The following NEK5 variants were observed in gnomAD, a reference collection of about 807,000 sequenced individuals.
NEK5 encodes the protein serine/threonine-protein kinase Nek5.
NEK5 carries 88 observed loss-of-function variants against 109.2 expected under a neutral mutation model. The ratio of observed to expected loss-of-function variants is 0.81; its 90% CI spans 0.68 to 0.96. The LOEUF (loss-of-function observed/expected upper bound fraction) is 0.96, where lower values mean the gene tolerates loss of function less well. Ranked by LOEUF, NEK5 falls within the 40% of genes least tolerant of loss-of-function variation. The pLI is 0.00. For synonymous variants in NEK5, 283 were observed against 299.9 expected, an observed-to-expected ratio of 0.94 and a Z score of 0.58; for missense variants, 834 against 920.7, an observed-to-expected ratio of 0.91 and a Z score of 1.22.
chr13:52,108,429 A>G, intron 7 of NEK5, 25 bp from the exon 8 acceptor site: 1 of 1,413,438 alleles, frequency 7.1e-7, no homozygotes. Context: ...TAAATAATAA[A>G]TCAGCATGAT....
In NEK5 at chr13:52,101,973, TG is replaced by T; in HGVS notation, c.851del (p.Ala284GlufsTer21). 1 of 1,614,212 alleles carries T rather than the reference TG, an allele frequency of 6.2e-7. No homozygotes were observed. The highest frequency in any genetic ancestry group is 8.5e-7 in the Non-Finnish European group (1 of 1,180,040). ...EEFSHMLICR[A>X]GAPASRHAGK... ...CAGCATGTCGAGAAGCTGGCGCTCCTGCTCTGCATATAAGCATGTGACTGAA... is the reference window on the plus strand; with the variant it reads ...CAGCATGTCGAGAAGCTGGCGCTCCTCTCTGCATATAAGCATGTGACTGAA... On this transcript the variant is annotated frameshift_variant, in exon 11 of 24. Transcript: ENST00000684899. LOFTEE classifies it high-confidence loss of function.
rs1374157772 is a variant in NEK5, at chr13:52,065,583, C to T, written c.1876G>A (p.Val626Met). The stretch of plus-strand genomic sequence containing the variant: ...CCATCCCACTGCCTCCTGTTTCCCA[C>T]AGCAGCTACAGTCTGCGTGGAAAAC... ...AGFSTQTVAAVGNRRQWDGGA... is the reference protein window; with the variant it reads ...AGFSTQTVAAMGNRRQWDGGA... The change falls in exon 21 of 24, where the codon GTG (valine) becomes ATG (methionine). Residue 626 changes from valine to methionine, a missense_variant. Val to Met is a conservative substitution (Grantham distance 21, BLOSUM62 1). Around this residue, in one of 2 missense-constraint regions of NEK5, gnomAD observed 777 missense variants for 824.7 expected, o/e 0.94. Transcript: ENST00000684899. The T allele has an allele frequency of 1.2e-6, 2 of 1,614,004 alleles. No homozygotes were observed. The highest frequency in any genetic ancestry group is 2.2e-5 in the South Asian group (2 of 91,084).
intron 13 of NEK5, among the ~76,000 whole-genome samples, chr13:52,092,145 G>T (rs1411865159): frequency 6.6e-6 from 1 of 152,134 alleles, no homozygotes; most frequent in Non-Finnish European, 1.5e-5. Flanking sequence ...GACTTGAGAT[G>T]AAGAAGGGTT....
chr13:52,108,355 G>C lies in NEK5; in HGVS notation c.517C>G (p.Pro173Ala). 1 of 1,611,536 alleles carries C rather than the reference G, an allele frequency of 6.2e-7. No homozygotes were observed. The highest frequency in any genetic ancestry group is 8.5e-7 in the Non-Finnish European group (1 of 1,178,328). Residue 173 changes from proline to alanine, a missense_variant, in exon 8 of 24, where the codon CCA (proline) becomes GCA (alanine). By Grantham distance (27) the Pro-to-Ala change is conservative. Transcript: ENST00000684899. ...TAGGGTTTATTCTGACAGATCTCTGGGGACAGGTAGTAAGGTGTTCCAATA... is the reference window on the plus strand; with the variant it reads ...TAGGGTTTATTCTGACAGATCTCTGCGGACAGGTAGTAAGGTGTTCCAATA... ...TCIGTPYYLSPEICQNKPYNN... is the reference protein window; with the variant it reads ...TCIGTPYYLSAEICQNKPYNN...
intron 17 of NEK5, among the ~76,000 whole-genome samples, chr13:52,082,577 A>G (rs1468113259): frequency 6.6e-6 from 1 of 152,178 alleles, no homozygotes; most frequent in Non-Finnish European, 1.5e-5. Flanking sequence ...CTCAGAAGGG[A>G]AAAAAACTCT....
At chr13:52,065,203 C>G (rs1465698657) in intron 21 of NEK5, 2 of 510,948 alleles carry the variant, frequency 3.9e-6, no homozygotes, top group East Asian at 6.0e-5. Context: ...TAAATCAAGT[C>G]AGCTGTCCTT....
chr13:52,068,347 C>T (rs533031114), intron 20 of NEK5, among the ~76,000 whole-genome samples: 2 of 152,082 alleles, frequency 1.3e-5, no homozygotes, highest in South Asian at 2.1e-4. Context: ...TATATAGCAC[C>T]GTTATTTCTC....
chr13:52,048,200 AACTG>A (rs1428362658), intron 23 of NEK5, among the ~76,000 whole-genome samples: 2 of 152,352 alleles, frequency 1.3e-5, no homozygotes, highest in Admixed American at 1.3e-4. Flanking sequence ...AATTACCTTG[AACTG>A]ACTGCTATAC....
At chr13:52,098,093 C>G (rs1955455480) in intron 12 of NEK5, among the ~76,000 whole-genome samples, 1 of 152,050 alleles carries the variant, frequency 6.6e-6, no homozygotes, top group Non-Finnish European at 1.5e-5. Context: ...GCAATGCATC[C>G]TGTACAGCCT....
intron 3 of NEK5, among the ~76,000 whole-genome samples, chr13:52,125,668 C>G (rs1047212490): frequency 1.3e-5 from 2 of 152,130 alleles, no homozygotes; most frequent in African/African-American, 4.8e-5. Context: ...TAAGAGAGAT[C>G]TACTTATTGG....
chr13:52,049,171 C>G (rs1954481939), intron 23 of NEK5, among the ~76,000 whole-genome samples: 1 of 151,940 alleles, frequency 6.6e-6, no homozygotes. Flanking sequence ...ACCTGTAATC[C>G]CAGCACTTTG....
chr13:52,095,505 C>A (rs1018485355), intron 12 of NEK5, among the ~76,000 whole-genome samples: 1 of 152,180 alleles, frequency 6.6e-6, no homozygotes, highest in East Asian at 1.9e-4. Flanking sequence ...TTTAATTCAT[C>A]CTCAAATCTT....
chr13:52,117,558 CA>C (rs1955884771), intron 4 of NEK5, among the ~76,000 whole-genome samples: 1 of 152,160 alleles, frequency 6.6e-6, no homozygotes, highest in Admixed American at 6.5e-5. Context: ...AAACTGTCCT[CA>C]AAAATCAATC....
At chr13:52,113,005 G>A (rs1165844579) in intron 4 of NEK5, among the ~76,000 whole-genome samples, 1 of 152,038 alleles carries the variant, frequency 6.6e-6, no homozygotes, top group Non-Finnish European at 1.5e-5. Context: ...ATATGTTTAC[G>A]CCATTTATTC....
intron 17 of NEK5, among the ~76,000 whole-genome samples, chr13:52,078,383 C>T (rs562537601): frequency 3.4e-4 from 51 of 152,086 alleles, no homozygotes; most frequent in Middle Eastern, 3.4e-3. Flanking sequence ...AAAGCAGATC[C>T]GTGATTGCAT....
chr13:52,079,859 G>A (rs1334358940), intron 17 of NEK5, among the ~76,000 whole-genome samples: 9 of 151,680 alleles, frequency 5.9e-5, no homozygotes, highest in East Asian at 3.9e-4. Flanking sequence ...AGTGAGGAGC[G>A]TCTCTGCCCG....
Position 52,036,771 on chromosome 13 carries a change from A to T in NEK5, c.*177T>A. On this transcript the variant is annotated 3_prime_UTR_variant, in exon 24 of 24. Coordinates refer to ENST00000684899, the MANE Select transcript of NEK5 (RefSeq NM_001365552.1). The stretch of plus-strand genomic sequence containing the variant: ...CCTAAGATTTCTTAATAGAAACTTT[A>T]AAGTAAAAATATTAATGGCTATATT... 1 of 194,218 alleles carries T rather than the reference A, an allele frequency of 5.1e-6. No homozygotes were observed. Among genetic ancestry groups the T allele is most frequent in the Non-Finnish European group, 9.4e-6 (1 of 106,550 alleles). The allele number at this position is 194,218 out of a possible 1,614,324, so 12.0% of individuals were successfully genotyped here. A position where few individuals can be genotyped will look rare whatever the true frequency, so the allele number is the denominator to read the frequency against.
chr13:52,091,025 CAAA>C (rs879501839), intron 13 of NEK5, among the ~76,000 whole-genome samples: 2 of 133,252 alleles, frequency 1.5e-5, no homozygotes, highest in Non-Finnish European at 3.3e-5. Context: ...GACTCTGTCT[CAAA>C]AAAAAAAAAA....
chr13:52,104,638 T>C, intron 8 of NEK5, 86 bp from the exon 9 acceptor site: 1 of 890,304 alleles, frequency 1.1e-6, no homozygotes, highest in South Asian at 1.4e-5. Flanking sequence ...TAAATTTGTG[T>C]CGCTTTACAA....
Sources: allele counts gnomAD v4.1 joint callset (sites outside exome capture counted in the v4.1 genomes callset), GRCh38; gene constraint gnomAD v4.1.1; regional missense constraint gnomAD v4.1.1; transcripts MANE v1.5; gene names NCBI Gene and HGNC (gene_info 2026-07-23, HGNC 2026-07-21).